GABBR2: variants seen among roughly 807,000 people sequenced by gnomAD.
GABBR2 encodes the protein G-protein coupled receptor 51.
Under a neutral mutation model 105.6 loss-of-function variants are expected in GABBR2, and 23 were observed. That is an observed-to-expected ratio of 0.22 (90% confidence interval 0.16 to 0.31). GABBR2 has a LOEUF of 0.31. Ranked by LOEUF, GABBR2 falls within the 10% of genes least tolerant of loss-of-function variation. GABBR2 has a pLI of 1.00. For missense variants in GABBR2, 734 were observed against 1,245.5 expected (o/e 0.59, Z 6.18); for synonymous variants, 478 against 499.7 (o/e 0.96, Z 0.58).
intron 13 of GABBR2, among the ~76,000 whole-genome samples, chr9:98,356,847 C>T (rs550469409): frequency 7.2e-4 from 110 of 152,208 alleles, no homozygotes; most frequent in Admixed American, 1.7e-3. Flanking sequence ...AAATGAGCTA[C>T]CAGGAAATAG....
chr9:98,523,687 C>A (rs1246725262), intron 3 of GABBR2, among the ~76,000 whole-genome samples: 3 of 152,144 alleles, frequency 2.0e-5, no homozygotes, highest in Non-Finnish European at 4.4e-5. Context: ...CCAGTGGGAC[C>A]AGTGTCCACA....
chr9:98,583,980 G>A (rs976540020), intron 1 of GABBR2, among the ~76,000 whole-genome samples: 2 of 152,190 alleles, frequency 1.3e-5, no homozygotes, highest in Non-Finnish European at 2.9e-5. Flanking sequence ...TTAGTGAGAT[G>A]TTCACTGGGC....
chr9:98,336,491 G>T (rs776500025), intron 13 of GABBR2, among the ~76,000 whole-genome samples: 1 of 152,064 alleles, frequency 6.6e-6, no homozygotes, highest in Non-Finnish European at 1.5e-5. Context: ...GGATCACAAA[G>T]TCAGGAGTTT....
At chr9:98,485,940 G>A (rs1827038336) in intron 4 of GABBR2, among the ~76,000 whole-genome samples, 2 of 152,094 alleles carry the variant, frequency 1.3e-5, no homozygotes, top group South Asian at 4.2e-4. Context: ...ACTCACATTG[G>A]TGGAAAACTC....
chr9:98,357,182 GT>G (rs1226710859), intron 13 of GABBR2, among the ~76,000 whole-genome samples: 1 of 152,084 alleles, frequency 6.6e-6, no homozygotes, highest in Admixed American at 6.5e-5. Flanking sequence ...ATCAACATTG[GT>G]TCATCATTTG....
intron 13 of GABBR2, among the ~76,000 whole-genome samples, chr9:98,321,831 C>T (rs560551186): frequency 1.1e-4 from 16 of 152,286 alleles, no homozygotes; most frequent in Middle Eastern, 3.4e-3. Context: ...GAGAGAAAAG[C>T]ACCTTGCCCT....
At chr9:98,617,769 A>T (rs1006563414) in intron 1 of GABBR2, among the ~76,000 whole-genome samples, 1 of 152,174 alleles carries the variant, frequency 6.6e-6, no homozygotes. Context: ...ACCCAACACT[A>T]AAGTCACAGC....
intron 18 of GABBR2, among the ~76,000 whole-genome samples, chr9:98,292,111 T>C (rs544326417): frequency 6.6e-6 from 1 of 152,354 alleles, no homozygotes; most frequent in South Asian, 2.1e-4. Context: ...GCTGCATTCT[T>C]GCACAGTTCT....
intron 1 of GABBR2, among the ~76,000 whole-genome samples, chr9:98,647,404 G>A (rs756198152): frequency 5.9e-5 from 9 of 152,238 alleles, no homozygotes; most frequent in African/African-American, 1.7e-4. Flanking sequence ...CAGGAAATGC[G>A]CAGGTGGCTG....
chr9:98,643,064 T>C (rs1401676602), intron 1 of GABBR2, among the ~76,000 whole-genome samples: 8 of 152,126 alleles, frequency 5.3e-5, no homozygotes, highest in African/African-American at 1.7e-4. Context: ...CCAAAAGGCA[T>C]GGGTAATGAA....
chr9:98,669,215 G>T (rs529027986), intron 1 of GABBR2, among the ~76,000 whole-genome samples: 1 of 152,268 alleles, frequency 6.6e-6, no homozygotes, highest in East Asian at 1.9e-4. Context: ...CATTTTGTTT[G>T]CTTCTGTGGT....
chr9:98,506,929 G>C (rs1165690499), intron 3 of GABBR2, among the ~76,000 whole-genome samples: 1 of 152,144 alleles, frequency 6.6e-6, no homozygotes, highest in Non-Finnish European at 1.5e-5. Flanking sequence ...CAGAGGGAGG[G>C]CAGGGAGGCT....
At chr9:98,576,516 T>C (rs2131778469) in intron 2 of GABBR2, among the ~76,000 whole-genome samples, 1 of 152,308 alleles carries the variant, frequency 6.6e-6, no homozygotes, top group African/African-American at 2.4e-5. Context: ...GTTTCCTTAC[T>C]ACAGTCTTAT....
At chr9:98,436,414 C>T (rs1323605504) in intron 7 of GABBR2, among the ~76,000 whole-genome samples, 2 of 77,258 alleles carry the variant, frequency 2.6e-5, no homozygotes, top group African/African-American at 5.3e-5. Context: ...TATAGTATGG[C>T]GTTCTTTCTT....
chr9:98,338,094 T>C (rs55748816), intron 13 of GABBR2, among the ~76,000 whole-genome samples: 67,272 of 151,964 alleles, frequency 0.44, 15,042 homozygotes, highest in African/African-American at 0.47. Context: ...TTTGGATCAC[T>C]ACCTCATACC....
At chr9:98,668,361 A>G (rs72760701) in intron 1 of GABBR2, among the ~76,000 whole-genome samples, 17,411 of 152,180 alleles carry the variant, frequency 0.11, 1,130 homozygotes, top group African/African-American at 0.17. Flanking sequence ...GCAGCGTCCA[A>G]TGGTTATATC....
In GABBR2 at chr9:98,309,387, T is replaced by C. The variant is rs546752993; in HGVS notation, c.2004+1708A>G. ...TCTCAGAATCAAGGAACATTAAGGATGGAAGGATCACGGAGACAGTCTAGA... is the reference window on the plus strand; with the variant it reads ...TCTCAGAATCAAGGAACATTAAGGACGGAAGGATCACGGAGACAGTCTAGA... On this transcript the variant is annotated intron_variant, in intron 14 of 18. Coordinates refer to ENST00000259455, the MANE Select transcript of GABBR2 (RefSeq NM_005458.8). 3.3e-5 allele frequency among the ~76,000 whole-genome samples: 5 copies of C among 152,334 alleles called. No individual in the cohort carries two copies. In the South Asian group the frequency reaches 1.0e-3, roughly 32 times the overall value.
chr9:98,453,079 T>A (rs1192177726), intron 7 of GABBR2, among the ~76,000 whole-genome samples: 1 of 152,040 alleles, frequency 6.6e-6, no homozygotes, highest in Non-Finnish European at 1.5e-5. Flanking sequence ...CAGGCTGGAG[T>A]GCAATGACGC....
chr9:98,547,754 G>A (rs1352606188), intron 2 of GABBR2, among the ~76,000 whole-genome samples: 2 of 121,638 alleles, frequency 1.6e-5, no homozygotes, highest in African/African-American at 5.3e-5. Context: ...GAGATAAAGT[G>A]GTACTTCATT....
Sources: allele counts gnomAD v4.1 joint callset (sites outside exome capture counted in the v4.1 genomes callset), GRCh38; gene constraint gnomAD v4.1.1; transcripts MANE v1.5; gene names NCBI Gene and HGNC (gene_info 2026-07-23, HGNC 2026-07-21).